DOCK1: variants seen among roughly 807,000 people sequenced by gnomAD.
DOCK1 encodes dedicator of cytokinesis protein 1.
A neutral mutation model predicts 262.7 loss-of-function variants in DOCK1; 138 were observed. The observed-to-expected ratio is 0.53, with a 90% CI of 0.46 to 0.61. The LOEUF (loss-of-function observed/expected upper bound fraction) is 0.61, where lower values mean the gene tolerates loss of function less well. Ranked by LOEUF, DOCK1 falls within the 20% of genes least tolerant of loss-of-function variation. The pLI, the probability that DOCK1 is intolerant of heterozygous loss-of-function variation, is 0.00. For missense variants in DOCK1, 1,908 were observed against 2,370.7 expected, an observed-to-expected ratio of 0.80 and a Z score of 4.05; for synonymous variants, 866 against 867.4, an observed-to-expected ratio of 1.00 and a Z score of 0.03.
In DOCK1 at chr10:127,362,117, A is replaced by G; in HGVS notation, c.3337A>G (p.Thr1113Ala). ...PEMVGPILEM[T>A]LIPETELRKA... Reference sequence around the variant, plus strand: ...AATGGTGGGCCCAATATTAGAAATGACATTAATTCCCGAGACGGAGCTGCG... The same window carrying G: ...AATGGTGGGCCCAATATTAGAAATGGCATTAATTCCCGAGACGGAGCTGCG... The change falls in exon 33 of 52, where the codon ACA becomes GCA. Residue 1113 changes from threonine to alanine, a missense_variant. Thr to Ala is a moderately conservative substitution (Grantham distance 58, BLOSUM62 0). Around this residue, in one of 9 missense-constraint regions of DOCK1, gnomAD observed 518 missense variants for 575.1 expected, o/e 0.90. Coordinates refer to ENST00000623213, the MANE Select transcript of DOCK1 (RefSeq NM_001290223.2). 6.2e-7 allele frequency: 1 copy of G among 1,613,876 alleles called. No homozygotes were observed. The highest frequency in any genetic ancestry group is 1.6e-4 in the Middle Eastern group (1 of 6,062).
At chr10:127,280,956 C>A (rs1399471547) in intron 29 of DOCK1, among the ~76,000 whole-genome samples, 2 of 152,122 alleles carry the variant, frequency 1.3e-5, no homozygotes, top group African/African-American at 4.8e-5. Context: ...AGCAAATCAC[C>A]AACACTATTT....
chr10:127,219,218 G>T (rs145043373), intron 27 of DOCK1, among the ~76,000 whole-genome samples: 1 of 152,170 alleles, frequency 6.6e-6, no homozygotes, highest in Non-Finnish European at 1.5e-5. Context: ...TTCATCTTGG[G>T]TGGAAGTGCA....
Position 127,433,216 on chromosome 10 carries a change from T to G in DOCK1, c.4915-67T>G, listed in dbSNP as rs1266868198. 1.9e-6 allele frequency: 3 copies of G among 1,588,156 alleles called. No individual in the cohort carries two copies. The African/African-American group carries it at 4.0e-5, about 21-fold the overall frequency. On this transcript the variant is annotated intron_variant, in intron 47 of 51. Coordinates refer to ENST00000623213, the MANE Select transcript of DOCK1 (RefSeq NM_001290223.2). ...TCCACACAGCTAAGGCCACTTTATC[T>G]CAGGAGTCTGACCATGGCAGGCACA...
At chr10:126,963,548 G>A (rs1480486861) in intron 1 of DOCK1, among the ~76,000 whole-genome samples, 6 of 142,218 alleles carry the variant, frequency 4.2e-5, no homozygotes, top group African/African-American at 1.3e-4. Context: ...CTTCACTTCC[G>A]TCCTTTCGCT....
chr10:127,349,894 C>T lies in DOCK1; in HGVS notation c.3225-4775C>T, dbSNP rs4384304. 4.3e-3 allele frequency among the ~76,000 whole-genome samples: 658 copies of T among 152,230 alleles called. 10 individuals carry two copies. The highest frequency in any genetic ancestry group is 0.015 in the African/African-American group (619 of 41,544). ...CTCAATCTCCCTCTCCTTATAAGGA[C>T]AGAGGTCACTGGATCTAGAGGCCAC... On this transcript the variant is annotated intron_variant, in intron 31 of 51. Coordinates refer to ENST00000623213, the MANE Select transcript of DOCK1 (RefSeq NM_001290223.2).
At position 127,339,020 on chromosome 10, in the gene DOCK1, C is replaced by G; in HGVS notation, c.3059C>G (p.Ala1020Gly). ...NMVQNKVFLR[A>G]INQYADMLNK... The stretch of plus-strand genomic sequence containing the variant: ...TGATCTTTCAGAGTCTTCCTGCGAG[C>G]AATTAATCAGTATGCAGATATGCTG... Residue 1020 changes from alanine (A) to glycine (G), a missense_variant, in exon 30 of 52, where the codon GCA (alanine) becomes GGA (glycine). Around this residue, in one of 9 missense-constraint regions of DOCK1, gnomAD observed 518 missense variants for 575.1 expected, o/e 0.90. Coordinates refer to ENST00000623213, the MANE Select transcript of DOCK1 (RefSeq NM_001290223.2). The G allele has an allele frequency of 6.3e-7, 1 of 1,581,114 alleles. No individual in the cohort carries two copies. Among genetic ancestry groups the G allele is most frequent in the Non-Finnish European group, 8.6e-7 (1 of 1,163,008 alleles).
intron 1 of DOCK1, among the ~76,000 whole-genome samples, chr10:126,938,254 G>A (rs961496318): frequency 1.1e-4 from 17 of 152,068 alleles, no homozygotes; most frequent in Admixed American, 2.0e-4. Context: ...CTCCATGTTG[G>A]TCAGGCTTGT....
intron 18 of DOCK1, 30 bp downstream of exon 18, chr10:127,032,350 C>A: frequency 6.8e-7 from 1 of 1,478,240 alleles, no homozygotes; most frequent in Non-Finnish European, 8.9e-7. Context: ...CACACTCACC[C>A]CAGGAGCTCT....
At chr10:127,361,952 G>A in intron 32 of DOCK1, 112 bp from the exon 33 acceptor site, 1 of 1,237,540 alleles carries the variant, frequency 8.1e-7, no homozygotes, top group Non-Finnish European at 1.1e-6. Flanking sequence ...ACATTTTCGG[G>A]ATCCTGCTGC....
intron 29 of DOCK1, among the ~76,000 whole-genome samples, chr10:127,271,657 T>G (rs2060573687): frequency 6.6e-6 from 1 of 152,196 alleles, no homozygotes; most frequent in South Asian, 2.1e-4. Context: ...TCTGAACATT[T>G]CAGTGGCTGC....
intron 29 of DOCK1, among the ~76,000 whole-genome samples, chr10:127,269,896 G>A (rs2060499485): frequency 6.6e-6 from 1 of 152,218 alleles, no homozygotes; most frequent in African/African-American, 2.4e-5. Flanking sequence ...CGAGAATAGA[G>A]AGCTTGACGA....
chr10:127,430,479 T>C (rs565706504), intron 47 of DOCK1, among the ~76,000 whole-genome samples: 3 of 152,256 alleles, frequency 2.0e-5, no homozygotes, highest in African/African-American at 7.2e-5. Flanking sequence ...GGACCAGGGT[T>C]CTGTTTCAGA....
chr10:127,287,427 C>T (rs1371835026), intron 29 of DOCK1, among the ~76,000 whole-genome samples: 5 of 151,596 alleles, frequency 3.3e-5, no homozygotes, highest in Non-Finnish European at 7.4e-5. Flanking sequence ...TGGCTTCAAG[C>T]GATCCTCCCA....
intron 37 of DOCK1, among the ~76,000 whole-genome samples, chr10:127,382,759 C>T (rs1241854856): frequency 6.6e-6 from 1 of 152,176 alleles, no homozygotes; most frequent in African/African-American, 2.4e-5. Context: ...TTACTCCGTC[C>T]CTCATAGAAC....
chr10:126,989,986 C>T (rs572896634), intron 5 of DOCK1, among the ~76,000 whole-genome samples: 17 of 152,192 alleles, frequency 1.1e-4, no homozygotes, highest in Admixed American at 7.2e-4. Flanking sequence ...AGAGCGAGGC[C>T]GAGGAGTTCA....
At position 127,341,903 on chromosome 10, in the gene DOCK1, G is replaced by A. The variant is rs189836780; in HGVS notation, c.3124-1743G>A. Among the ~76,000 whole-genome samples, 167 of 152,228 alleles carry A rather than the reference G, an allele frequency of 1.1e-3. 1 individual carries two copies. Among genetic ancestry groups the A allele is most frequent in the East Asian group, 0.011 (56 of 5,164 alleles). On this transcript the variant is annotated intron_variant, in intron 30 of 51. Transcript: ENST00000623213. ...ACAGTCAGGGGCCCATCTAGCATAC[G>A]ACCCATGTCTGCATGTACCCAGCAC...
At position 126,921,073 on chromosome 10, in the gene DOCK1, A is replaced by C. The variant is rs575044517; in HGVS notation, c.46+15510A>C. 2.6e-5 allele frequency among the ~76,000 whole-genome samples: 4 copies of C among 152,092 alleles called. No homozygotes were observed. The East Asian group carries it at 7.7e-4, about 29-fold the overall frequency. On this transcript the variant is annotated intron_variant, in intron 1 of 51. Coordinates refer to ENST00000623213, the MANE Select transcript of DOCK1 (RefSeq NM_001290223.2). The stretch of plus-strand genomic sequence containing the variant: ...CAATTAGTTGGGCGTGGTGGTTCGC[A>C]CCTGTAATACCAGCTACTGGGGAGG...
At chr10:127,168,214 C>T (rs547093039) in intron 27 of DOCK1, among the ~76,000 whole-genome samples, 2 of 152,156 alleles carry the variant, frequency 1.3e-5, no homozygotes, top group African/African-American at 2.4e-5. Flanking sequence ...AATGGAAGAA[C>T]CAAGTGCATG....
At chr10:127,084,419 T>C (rs982398813) in intron 23 of DOCK1, among the ~76,000 whole-genome samples, 2 of 152,162 alleles carry the variant, frequency 1.3e-5, no homozygotes, top group African/African-American at 4.8e-5. Flanking sequence ...TTGGGAGCAA[T>C]ACTGGGGTCG....
Sources: gnomAD v4.1 joint callset for allele counts (sites outside exome capture counted in the v4.1 genomes callset) on GRCh38, gnomAD v4.1.1 for gene constraint, gnomAD v4.1.1 regional missense constraint, MANE v1.5 for transcripts, NCBI Gene and HGNC (gene_info 2026-07-23, HGNC 2026-07-21) for gene names.